TMEM150C: variants seen among roughly 807,000 people sequenced by gnomAD.
The protein encoded by TMEM150C is transmembrane protein 150C.
A neutral mutation model predicts 29.9 loss-of-function variants in TMEM150C; 10 were observed. The ratio of observed to expected loss-of-function variants is 0.33; its 90% CI spans 0.21 to 0.57. The LOEUF is 0.57. Ranked by LOEUF, TMEM150C falls within the 20% of genes least tolerant of loss-of-function variation. TMEM150C has a pLI of 0.88. For missense variants in TMEM150C, 251 were observed against 303.6 expected, an observed-to-expected ratio of 0.83 and a Z score of 1.29; for synonymous variants, 101 against 112.5, an observed-to-expected ratio of 0.90 and a Z score of 0.64.
chr4:82,527,349 T>G (rs1056338056), intron 1 of TMEM150C, among the ~76,000 whole-genome samples: 4 of 152,176 alleles, frequency 2.6e-5, no homozygotes, highest in African/African-American at 9.7e-5. Flanking sequence ...GGCAGGTGCT[T>G]TCACAGCTCG....
intron 5 of TMEM150C, 79 bp from the exon 6 acceptor site, chr4:82,496,274 A>T (rs759670640): frequency 1.2e-5 from 16 of 1,369,434 alleles, no homozygotes; most frequent in Non-Finnish European, 1.5e-5. Context: ...TATTATTATT[A>T]TTTTTTTATG....
intron 1 of TMEM150C, among the ~76,000 whole-genome samples, chr4:82,513,452 TA>T (rs1447952680): frequency 6.6e-6 from 1 of 151,808 alleles, no homozygotes; most frequent in Non-Finnish European, 1.5e-5. Flanking sequence ...ACTGCACACT[TA>T]AAAAATCATA....
intron 6 of TMEM150C, chr4:82,491,460 C>G: frequency 1.4e-6 from 1 of 690,068 alleles, no homozygotes; most frequent in Non-Finnish European, 2.6e-6. Context: ...CCTGATATAG[C>G]GGGGCAATTT....
intron 1 of TMEM150C, among the ~76,000 whole-genome samples, chr4:82,536,250 C>T (rs975111184): frequency 8.6e-5 from 13 of 150,750 alleles, no homozygotes; most frequent in Admixed American, 5.4e-4. Flanking sequence ...CCCAGCTACT[C>T]AGCAGGCTGA....
intron 1 of TMEM150C, among the ~76,000 whole-genome samples, chr4:82,523,628 T>G (rs1724559821): frequency 6.6e-6 from 1 of 152,078 alleles, no homozygotes; most frequent in African/African-American, 2.4e-5. Context: ...AAATGAAAAC[T>G]TCCCAAAGAC....
chr4:82,529,958 G>A (rs763724400), intron 1 of TMEM150C, among the ~76,000 whole-genome samples: 19 of 152,126 alleles, frequency 1.2e-4, no homozygotes, highest in Non-Finnish European at 2.5e-4. Flanking sequence ...AGTATGGAAA[G>A]AGGGAGGGAA....
At chr4:82,555,863 T>C (rs1277322838) in intron 1 of TMEM150C, among the ~76,000 whole-genome samples, 1 of 152,228 alleles carries the variant, frequency 6.6e-6, no homozygotes, top group Non-Finnish European at 1.5e-5. Flanking sequence ...TCAATAATGT[T>C]ACTCACTATT....
At chr4:82,562,252 G>A, upstream of TMEM150C, 1 of 1,282,414 alleles carries the variant, frequency 7.8e-7, no homozygotes, top group Non-Finnish European at 1.0e-6. Flanking sequence ...TCCAACAAAA[G>A]GAAGGACAGA....
intron 1 of TMEM150C, among the ~76,000 whole-genome samples, chr4:82,539,553 C>T (rs1245660573): frequency 6.6e-6 from 1 of 151,834 alleles, no homozygotes; most frequent in African/African-American, 2.4e-5. Flanking sequence ...CCCGGGTTCA[C>T]GCCATTCTCC....
chr4:82,543,088 A>G (rs1360181031), intron 1 of TMEM150C, among the ~76,000 whole-genome samples: 1 of 152,234 alleles, frequency 6.6e-6, no homozygotes, highest in African/African-American at 2.4e-5. Context: ...GCACAAAAGT[A>G]ATAACCTGTC....
rs940697067 is a variant in TMEM150C, at chr4:82,552,199, G to A, written c.-11+9707C>T. ...CTTCTCGTACAGCCTGCAAAACTAG[G>A]AGCCAAATAAACCTCTTTTCTTTAT... On this transcript the variant is annotated intron_variant, in intron 1 of 7. Coordinates refer to ENST00000449862, the MANE Select transcript of TMEM150C (RefSeq NM_001080506.3). Among the ~76,000 whole-genome samples, 4 of 152,088 alleles carry A rather than the reference G, an allele frequency of 2.6e-5. No homozygotes were observed. In the East Asian group the frequency reaches 5.8e-4, roughly 22 times the overall value.
At chr4:82,542,853 A>G (rs567106347) in intron 1 of TMEM150C, among the ~76,000 whole-genome samples, 125 of 152,328 alleles carry the variant, frequency 8.2e-4, no homozygotes, top group South Asian at 4.8e-3. Flanking sequence ...AGGAATTACC[A>G]CTAGTTAAGA....
chr4:82,548,174 G>A (rs1725448161), intron 1 of TMEM150C, among the ~76,000 whole-genome samples: 1 of 152,104 alleles, frequency 6.6e-6, no homozygotes, highest in Non-Finnish European at 1.5e-5. Flanking sequence ...TAAAGATGAG[G>A]ACTACCAGAG....
At chr4:82,527,102 G>A (rs541875819) in intron 1 of TMEM150C, among the ~76,000 whole-genome samples, 55 of 136,988 alleles carry the variant, frequency 4.0e-4, no homozygotes, top group African/African-American at 1.4e-3. Context: ...AGGTATTTCA[G>A]CTTCAGTCAT....
chr4:82,494,407 T>C (rs1723470218), intron 6 of TMEM150C, among the ~76,000 whole-genome samples: 1 of 152,224 alleles, frequency 6.6e-6, no homozygotes, highest in African/African-American at 2.4e-5. Flanking sequence ...AGCATATCTT[T>C]ATACAAGTCA....
intron 1 of TMEM150C, among the ~76,000 whole-genome samples, chr4:82,534,543 TAA>T (rs1198751093): frequency 2.0e-5 from 3 of 152,188 alleles, no homozygotes; most frequent in East Asian, 1.9e-4. Flanking sequence ...GGAGAGACAG[TAA>T]AGAGTTATCA....
At chr4:82,556,875 CT>C (rs1287041006) in intron 1 of TMEM150C, among the ~76,000 whole-genome samples, 3 of 152,124 alleles carry the variant, frequency 2.0e-5, no homozygotes, top group Non-Finnish European at 4.4e-5. Context: ...GTGTTAATAT[CT>C]TCAACACAGA....
At chr4:82,547,521 G>A (rs1040495389) in intron 1 of TMEM150C, among the ~76,000 whole-genome samples, 1 of 151,982 alleles carries the variant, frequency 6.6e-6, no homozygotes, top group East Asian at 1.9e-4. Context: ...CCCAGGAGGC[G>A]GAGGTTGCAG....
At chr4:82,502,636 GC>G (rs1031623496) in intron 5 of TMEM150C, 90 bp downstream of exon 5, 5 of 1,248,668 alleles carry the variant, frequency 4.0e-6, no homozygotes, top group Non-Finnish European at 5.7e-6. Flanking sequence ...GATCAAATAA[GC>G]CCCCCATTGT....
Sources: allele counts gnomAD v4.1 joint callset (sites outside exome capture counted in the v4.1 genomes callset), GRCh38; gene constraint gnomAD v4.1.1; transcripts MANE v1.5; gene names NCBI Gene and HGNC (gene_info 2026-07-23, HGNC 2026-07-21).